Variants in ALDH16A1 observed in about 807,000 individuals in gnomAD.
The protein encoded by ALDH16A1 is aldehyde dehydrogenase 16 family member A1, also known as aldehyde dehydrogenase family 16 member A1.
A neutral mutation model predicts 96.1 loss-of-function variants in ALDH16A1; 88 were observed. The observed-to-expected ratio is 0.92, with a 90% CI of 0.77 to 1.09. ALDH16A1 has a LOEUF of 1.09. Ranked by LOEUF, ALDH16A1 falls within the 50% of genes least tolerant of loss-of-function variation. The probability of loss-of-function intolerance (pLI) is 0.00; values close to 1 mark genes in which losing one functional copy is unlikely to be tolerated. For synonymous variants in ALDH16A1, 522 were observed against 496.4 expected (o/e 1.05, Z -0.69); for missense variants, 1,250 against 1,112.6 (o/e 1.12, Z -1.76).
chr19:49,454,571 G>A (rs1014679387), intron 1 of ALDH16A1, among the ~76,000 whole-genome samples: 2 of 152,014 alleles, frequency 1.3e-5, no homozygotes, highest in African/African-American at 4.8e-5. Context: ...ACTTTCTGTC[G>A]TTTCCCCAGG....
chr19:49,455,464 G>A (rs997132652), intron 1 of ALDH16A1, among the ~76,000 whole-genome samples: 10 of 148,204 alleles, frequency 6.7e-5, no homozygotes, highest in East Asian at 1.9e-4. Context: ...AAGATTAGCC[G>A]AGGATGGCAG....
intron 1 of ALDH16A1, among the ~76,000 whole-genome samples, chr19:49,456,155 A>G (rs1204908793): frequency 6.6e-6 from 1 of 152,124 alleles, no homozygotes; most frequent in Non-Finnish European, 1.5e-5. Context: ...GCACAGAATA[A>G]TTAGCATTTA....
chr19:49,454,666 G>T (rs922387104), intron 1 of ALDH16A1, among the ~76,000 whole-genome samples: 1 of 152,202 alleles, frequency 6.6e-6, no homozygotes, highest in African/African-American at 2.4e-5. Flanking sequence ...CTTCTTTGAG[G>T]GGGAGGGCAG....
Position 49,468,526 on chromosome 19 carries a change from C to G in ALDH16A1, c.2084C>G (p.Pro695Arg), listed in dbSNP as rs1334963961. The G allele has an allele frequency of 6.2e-7, 1 of 1,604,672 alleles. No individual in the cohort carries two copies. The highest frequency in any genetic ancestry group is 8.5e-7 in the Non-Finnish European group (1 of 1,179,914). Residue 695 changes from proline to arginine, a missense_variant, in exon 15 of 17, where the codon CCC (proline) becomes CGC (arginine). Coordinates refer to ENST00000293350, the MANE Select transcript of ALDH16A1 (RefSeq NM_153329.4). The surrounding 1 kb of genome is among the most constrained non-coding windows in gnomAD (Gnocchi z 4.4). ...LAYGNTVVMV[P>R]SAACPLLALE... ...TACGGCAACACTGTGGTCATGGTGC[C>G]CAGTGCGGCCTGTCCTCTGCTGGCC...
intron 11 of ALDH16A1, 41 bp from the exon 12 acceptor site, chr19:49,464,591 C>T (rs114984918): frequency 2.2e-5 from 35 of 1,613,742 alleles, no homozygotes; most frequent in African/African-American, 1.1e-4. Flanking sequence ...CATCCGGCCT[C>T]GCGTGCCCCT....
rs527824870 is a variant in ALDH16A1 at position 49,468,329 on chromosome 19, T to A, written c.1939-52T>A. The A allele has an allele frequency of 3.2e-6, 5 of 1,559,754 alleles. No homozygotes were observed. In the East Asian group the frequency reaches 1.1e-4, roughly 35 times the overall value. On this transcript the variant is annotated intron_variant, in intron 14 of 16. Coordinates refer to ENST00000293350, the MANE Select transcript of ALDH16A1 (RefSeq NM_153329.4). This position sits in a 1 kb window ranked among gnomAD's most constrained non-coding sequence, Gnocchi z 4.4. ...AATGTAGAGGAACTGGATCTCTCAT[T>A]TACTGCGGGCGGGGCTCCCCTGCCC...
chr19:49,468,480 C>T lies in ALDH16A1; in HGVS notation c.2038C>T (p.Leu680=), dbSNP rs763921309. Residue 680 remains leucine (L), a synonymous_variant, in exon 15 of 17, where the codon CTG becomes TTG. Transcript: ENST00000293350. The surrounding 1 kb of genome is among the most constrained non-coding windows in gnomAD (Gnocchi z 4.4). The part of the protein sequence containing the change: ...DEWPLLAFVS[L]LAPALAYGNT... The stretch of plus-strand genomic sequence containing the variant: ...GTGGCCCCTGCTTGCCTTCGTGTCC[C>T]TGCTGGCTCCCGCCCTGGCCTACGG... The T allele has an allele frequency of 1.1e-5, 17 of 1,602,922 alleles. No homozygotes were observed. The Admixed American group carries it at 2.2e-4, about 20-fold the overall frequency.
intron 14 of ALDH16A1, among the ~76,000 whole-genome samples, chr19:49,467,425 C>T (rs1452491240): frequency 6.1e-5 from 9 of 147,310 alleles, no homozygotes; most frequent in African/African-American, 1.8e-4. Flanking sequence ...GACAGAGTCT[C>T]GCTCTGTCGC....
At chr19:49,458,832 C>A in intron 2 of ALDH16A1, 128 bp from the exon 3 acceptor site, 1 of 1,356,870 alleles carries the variant, frequency 7.4e-7, no homozygotes. Context: ...TGATCATAGC[C>A]GTGACCCAGC....
rs766221537 is a variant in ALDH16A1 at position 49,458,968 on chromosome 19, T to G, written c.202T>G (p.Leu68Val). 4 of 1,612,816 alleles carry G rather than the reference T, an allele frequency of 2.5e-6. No individual in the cohort carries two copies. The Admixed American group carries it at 6.7e-5, about 27-fold the overall frequency. Residue 68 changes from leucine to valine, a missense_variant, in exon 3 of 17, where the codon TTG (leucine) becomes GTG (valine). Leu to Val is a conservative substitution (Grantham distance 32). Transcript: ENST00000293350. Reference protein sequence around the residue: ...PCQDPITGENLASCLQAQAED... With the variant: ...PCQDPITGENVASCLQAQAED... ...CCCACTTTTCTCCCCAGGAGAGAAC[T>G]TGGCCAGTTGCCTGCAGGCACAGGC...
chr19:49,464,007 GT>G, intron 9 of ALDH16A1, 58 bp downstream of exon 9: 1 of 1,581,576 alleles, frequency 6.3e-7, no homozygotes, highest in African/African-American at 1.3e-5. Flanking sequence ...CAGCAGCTCT[GT>G]GCCTGGGGAA....
chr19:49,464,028 G>T, intron 9 of ALDH16A1, 79 bp downstream of exon 9: 1 of 1,576,830 alleles, frequency 6.3e-7, no homozygotes, highest in South Asian at 1.2e-5. Context: ...AGCCCTTGGG[G>T]TAACCATGTG....
chr19:49,453,647 C>T (rs1057220744), intron 1 of ALDH16A1: 3 of 505,214 alleles, frequency 5.9e-6, no homozygotes, highest in African/African-American at 1.9e-5. Flanking sequence ...TTCTCTTGCC[C>T]CTTGATCCTG....
intron 1 of ALDH16A1, among the ~76,000 whole-genome samples, chr19:49,457,615 A>T (rs938739462): frequency 6.7e-5 from 10 of 149,132 alleles, no homozygotes; most frequent in African/African-American, 1.5e-4. Context: ...TGGTAAAAAA[A>T]TTTTTTTTCT....
rs2079222083 is a variant in ALDH16A1 at position 49,468,886 on chromosome 19, C to T, written c.2147C>T (p.Ala716Val). The change falls in exon 16 of 17, where the codon GCA becomes GTA. Residue 716 changes from alanine (A) to valine (V), a missense_variant. Physicochemically the swap from Ala to Val is moderately conservative, Grantham distance 64. Transcript: ENST00000293350. This position sits in a 1 kb window ranked among gnomAD's most constrained non-coding sequence, Gnocchi z 4.4. ...VCQDMATVFP[A>V]GLANVVTGDR... is the part of the protein sequence containing the mutation. ...TAGGACATGGCCACCGTGTTCCCAGCAGGCCTGGCCAACGTGGTGACAGGA... is the reference window on the plus strand; with the variant it reads ...TAGGACATGGCCACCGTGTTCCCAGTAGGCCTGGCCAACGTGGTGACAGGA... 1.9e-6 allele frequency: 3 copies of T among 1,613,894 alleles called. No homozygotes were observed. Among genetic ancestry groups the T allele is most frequent in the Non-Finnish European group, 2.5e-6 (3 of 1,179,982 alleles).
intron 12 of ALDH16A1, among the ~76,000 whole-genome samples, chr19:49,465,062 G>GT (rs929899403): frequency 1.3e-5 from 2 of 152,028 alleles, no homozygotes; most frequent in African/African-American, 4.8e-5. Context: ...GGAGCTTGGG[G>GT]TCCCCCAGAG....
chr19:49,466,868 A>G (rs1380518898), intron 14 of ALDH16A1, among the ~76,000 whole-genome samples: 1 of 143,014 alleles, frequency 7.0e-6, no homozygotes, highest in African/African-American at 3.0e-5. Flanking sequence ...TCACAAAAAA[A>G]AACAAAAAAC....
Position 49,461,633 on chromosome 19 carries a change from GC to G in ALDH16A1, c.595del (p.Leu199SerfsTer26). ...PALAVGCTVV[A>X]LVPPASPAPL... is the part of the protein sequence containing the mutation. ...CACTTCCCCAGGCTGCACCGTGGTG[GC>G]CCTCGTGCCCCCGGCCTCCCCGGCG... On this transcript the variant is annotated frameshift_variant, in exon 6 of 17. Coordinates refer to ENST00000293350, the MANE Select transcript of ALDH16A1 (RefSeq NM_153329.4). LOFTEE classifies it high-confidence loss of function. The G allele has an allele frequency of 6.3e-7, 1 of 1,593,266 alleles. No individual in the cohort carries two copies. The highest frequency in any genetic ancestry group is 2.3e-5 in the East Asian group (1 of 43,684).
At chr19:49,453,531 C>T (rs2079085264) in intron 1 of ALDH16A1, 110 bp downstream of exon 1, 1 of 1,050,898 alleles carries the variant, frequency 9.5e-7, no homozygotes, top group Non-Finnish European at 1.4e-6. Context: ...CTCCGCCTCT[C>T]TTAGTCCCCG....
Sources: gnomAD v4.1 joint callset for allele counts (sites outside exome capture counted in the v4.1 genomes callset) on GRCh38, gnomAD v4.1.1 for gene constraint, Gnocchi (gnomAD v3.1) non-coding constraint, MANE v1.5 for transcripts, NCBI Gene and HGNC (gene_info 2026-07-23, HGNC 2026-07-21) for gene names.